Variants in LY75 observed in about 807,000 individuals in gnomAD.
LY75 encodes the protein C-type lectin domain family 13 member B.
LY75 carries 185 observed loss-of-function variants against 231.7 expected under a neutral mutation model. That is an observed-to-expected ratio of 0.80 (90% CI 0.71 to 0.90). LY75 has a LOEUF of 0.90. Among genes scored for constraint, LY75 ranks in the 40% least tolerant of loss-of-function variants. The probability of loss-of-function intolerance (pLI) is 0.00; values close to 1 mark genes in which losing one functional copy is unlikely to be tolerated. For missense variants in LY75, 1,947 were observed against 2,050.2 expected (o/e 0.95, Z 0.97); for synonymous variants, 668 against 689.0 (o/e 0.97, Z 0.48).
intron 25 of LY75, among the ~76,000 whole-genome samples, chr2:159,839,949 T>A (rs967720965): frequency 1.5e-5 from 2 of 137,388 alleles, no homozygotes; most frequent in African/African-American, 5.7e-5. Flanking sequence ...GAGGTTGCAG[T>A]GAGCCGAGAT....
At chr2:159,823,385 G>C (rs961549787) in intron 28 of LY75, among the ~76,000 whole-genome samples, 1 of 152,024 alleles carries the variant, frequency 6.6e-6, no homozygotes, top group Non-Finnish European at 1.5e-5. Flanking sequence ...AAAGAGAGAA[G>C]ACACGATTAA....
intron 28 of LY75, among the ~76,000 whole-genome samples, chr2:159,826,499 T>C (rs186294587): frequency 1.5e-4 from 18 of 120,626 alleles, no homozygotes; most frequent in Non-Finnish European, 3.3e-4. Flanking sequence ...CATGGATAGG[T>C]AGAATCAATA....
intron 12 of LY75, among the ~76,000 whole-genome samples, chr2:159,872,989 AG>A (rs1465381976): frequency 6.6e-6 from 1 of 152,192 alleles, no homozygotes; most frequent in Non-Finnish European, 1.5e-5. Flanking sequence ...TTCGAATATA[AG>A]ACACAGTGAC....
chr2:159,835,672 G>T, intron 25 of LY75, 27 bp from the exon 26 acceptor site: 3 of 1,606,686 alleles, frequency 1.9e-6, no homozygotes, highest in South Asian at 2.3e-5. Flanking sequence ...TACATTTCAG[G>T]TGGCAATATT....
intron 28 of LY75, among the ~76,000 whole-genome samples, chr2:159,830,685 G>T (rs1013198269): frequency 5.3e-5 from 8 of 151,498 alleles, no homozygotes; most frequent in Admixed American, 2.0e-4. Flanking sequence ...TGCCTCCCGG[G>T]TTCAAGTGAT....
intron 25 of LY75, among the ~76,000 whole-genome samples, chr2:159,839,874 C>T (rs960605081): frequency 4.0e-5 from 6 of 151,878 alleles, no homozygotes; most frequent in African/African-American, 1.5e-4. Flanking sequence ...GGCGTGTTGG[C>T]GCATGCCTGT....
Position 159,835,522 on chromosome 2 carries a change from A to T in LY75, c.3631T>A (p.Cys1211Ser). 1 of 1,612,354 alleles carries T rather than the reference A, an allele frequency of 6.2e-7. No individual in the cohort carries two copies. ...DTDGFWKTVD[C>S]NDNQPGAICY... The stretch of plus-strand genomic sequence containing the variant: ...ATAGCACCTGGTTGATTGTCATTGC[A>T]ATCAACTGTTTTCCAGAATCCATCA... The change falls in exon 26 of 35, where the codon TGC (cysteine) becomes AGC (serine). Residue 1211 changes from cysteine to serine, a missense_variant. Physicochemically the swap from Cys to Ser is moderately radical, Grantham distance 112. Coordinates refer to ENST00000263636, the MANE Select transcript of LY75 (RefSeq NM_002349.4).
chr2:159,861,162 CA>C (rs1684689398), intron 14 of LY75, among the ~76,000 whole-genome samples: 1 of 152,058 alleles, frequency 6.6e-6, no homozygotes, highest in African/African-American at 2.4e-5. Flanking sequence ...ATCAGGTTTG[CA>C]AAATACTTTT....
chr2:159,883,619 A>G (rs1489232506), intron 6 of LY75, among the ~76,000 whole-genome samples: 2 of 152,166 alleles, frequency 1.3e-5, no homozygotes, highest in African/African-American at 4.8e-5. Context: ...ATATTATTCA[A>G]TCATGTGGAA....
At chr2:159,877,049 A>C (rs1461886646) in intron 11 of LY75, among the ~76,000 whole-genome samples, 1 of 143,608 alleles carries the variant, frequency 7.0e-6, no homozygotes, top group Non-Finnish European at 1.6e-5. Context: ...AAAGAAAAAG[A>C]AAAAAAGAAA....
chr2:159,900,347 GGTTA>G (rs566323063), intron 1 of LY75, among the ~76,000 whole-genome samples: 5 of 152,170 alleles, frequency 3.3e-5, no homozygotes, highest in Admixed American at 1.3e-4. Context: ...CAGATAATTT[GGTTA>G]GTTATTTTAC....
chr2:159,882,840 C>A (rs961361222), intron 6 of LY75, among the ~76,000 whole-genome samples: 1 of 152,084 alleles, frequency 6.6e-6, no homozygotes, highest in African/African-American at 2.4e-5. Flanking sequence ...ATACACTTCG[C>A]ATCCAAGAGA....
intron 27 of LY75, among the ~76,000 whole-genome samples, chr2:159,832,669 T>C (rs1236964363): frequency 6.6e-6 from 1 of 152,240 alleles, no homozygotes; most frequent in East Asian, 1.9e-4. Context: ...TTTATGCCAG[T>C]ATTTCTTAAG....
intron 14 of LY75, among the ~76,000 whole-genome samples, chr2:159,861,845 T>C (rs1034119964): frequency 6.6e-6 from 1 of 152,040 alleles, no homozygotes; most frequent in Non-Finnish European, 1.5e-5. Context: ...ATAAACAGTA[T>C]AAAGAGAAAG....
At chr2:159,883,112 C>T (rs901124982) in intron 6 of LY75, among the ~76,000 whole-genome samples, 5 of 115,742 alleles carry the variant, frequency 4.3e-5, no homozygotes, top group Non-Finnish European at 8.3e-5. Context: ...CACAGCATCT[C>T]TGGGGACTGT....
In LY75 at chr2:159,881,254, G is replaced by A. The variant is rs190326005; in HGVS notation, c.1247-14C>T. Reference sequence around the variant, plus strand: ...CTTCTTTGATATCTAAAAGAAAAATGTATTATTTGTTTGGTTTTGCTCAAT... The same window carrying A: ...CTTCTTTGATATCTAAAAGAAAAATATATTATTTGTTTGGTTTTGCTCAAT... On this transcript the variant is annotated splice_polypyrimidine_tract_variant and intron_variant, in intron 7 of 34. Coordinates refer to ENST00000263636, the MANE Select transcript of LY75 (RefSeq NM_002349.4). 8 of 1,605,012 alleles carry A rather than the reference G, an allele frequency of 5.0e-6. No homozygotes were observed. The Admixed American group carries it at 1.0e-4, about 20-fold the overall frequency.
At chr2:159,838,801 A>G (rs1296505856) in intron 25 of LY75, among the ~76,000 whole-genome samples, 1 of 148,630 alleles carries the variant, frequency 6.7e-6, no homozygotes, top group Non-Finnish European at 1.5e-5. Flanking sequence ...TAATTAATTA[A>G]TTTTTTTATT....
intron 15 of LY75, among the ~76,000 whole-genome samples, chr2:159,859,650 T>C (rs1025517480): frequency 6.6e-6 from 1 of 152,218 alleles, no homozygotes; most frequent in African/African-American, 2.4e-5. Context: ...TATAGCATAG[T>C]GGTTAAGAGT....
intron 14 of LY75, among the ~76,000 whole-genome samples, chr2:159,861,126 T>TTTA (rs1177045507): frequency 1.3e-5 from 2 of 152,180 alleles, no homozygotes; most frequent in Non-Finnish European, 2.9e-5. Flanking sequence ...AATAGTGTAT[T>TTTA]AAGTTCGCCG....
Sources: gnomAD v4.1 joint callset for allele counts (sites outside exome capture counted in the v4.1 genomes callset) on GRCh38, gnomAD v4.1.1 for gene constraint, MANE v1.5 for transcripts, NCBI Gene and HGNC (gene_info 2026-07-23, HGNC 2026-07-21) for gene names.